The following UVRAG variants were observed in gnomAD, a reference collection of about 807,000 sequenced individuals.
The protein encoded by UVRAG is UV radiation resistance-associated gene protein.
Under a neutral mutation model 78.0 loss-of-function variants are expected in UVRAG, and 19 were observed. The ratio of observed to expected loss-of-function variants is 0.24; its 90% confidence interval spans 0.17 to 0.36. The LOEUF is 0.36. Among genes scored for constraint, UVRAG ranks in the 10% least tolerant of loss-of-function variants. The pLI is 1.00. For missense variants in UVRAG, 740 were observed against 853.8 expected (o/e 0.87, Z 1.66); for synonymous variants, 323 against 324.6 (o/e 1.00, Z 0.05).
rs1157337989 is a variant in UVRAG, at chr11:76,141,911, T to A, written c.*498T>A. 3 of 160,808 alleles carry A rather than the reference T, an allele frequency of 1.9e-5. No individual in the cohort carries two copies. Among genetic ancestry groups the A allele is most frequent in the Non-Finnish European group, 4.1e-5 (3 of 73,336 alleles). 10.0% of individuals were successfully genotyped at this position (160,808 alleles called of 1,614,324 possible). A position where few individuals can be genotyped will look rare whatever the true frequency, so the allele number is the denominator to read the frequency against. ...TAGATGAAGAAGCAGCATAGTGGTC[T>A]CCTTACATCTAGGCCTAACTGTCCC... On this transcript the variant is annotated 3_prime_UTR_variant, in exon 15 of 15. Coordinates refer to ENST00000356136, the MANE Select transcript of UVRAG (RefSeq NM_003369.4).
rs575806236 is a variant in UVRAG at position 75,877,644 on chromosome 11, G to T, written c.271-2235G>T. 6.4e-5 allele frequency among the ~76,000 whole-genome samples: 9 copies of T among 141,686 alleles called. 1 individual carries two copies. The South Asian group carries it at 1.8e-3, about 28-fold the overall frequency. The allele number at this position is 141,686 out of a possible 152,430, so 93.0% of individuals were successfully genotyped here. On this transcript the variant is annotated intron_variant, in intron 3 of 14. Transcript: ENST00000356136. ...CACCTCCCTCCCGGACGGAGCGGCT[G>T]GCCAGGCAGAGGGGCTCCTCACTTC... is the stretch of plus-strand genomic sequence containing the variant.
In UVRAG at chr11:76,141,162, T is replaced by C. The variant is rs1355636872; in HGVS notation, c.1849T>C (p.Phe617Leu). ...GSASVQLPGE[F>L]HPVSEAELCC... ...CGCCAGTGTCCAGCTTCCAGGCGAG[T>C]TCCACCCAGTCTCAGAAGCTGAGCT... is the stretch of plus-strand genomic sequence containing the variant. The change falls in exon 15 of 15, where the codon TTC becomes CTC. Residue 617 changes from phenylalanine (F) to leucine (L), a missense_variant. Physicochemically the swap from Phe to Leu is conservative, Grantham distance 22 (BLOSUM62 0). Transcript: ENST00000356136. 1 of 1,613,956 alleles carries C rather than the reference T, an allele frequency of 6.2e-7. No individual in the cohort carries two copies. Among genetic ancestry groups the C allele is most frequent in the Admixed American group, 1.7e-5 (1 of 59,988 alleles).
chr11:75,980,482 T>A (rs1949366933), intron 7 of UVRAG, among the ~76,000 whole-genome samples: 1 of 152,202 alleles, frequency 6.6e-6, no homozygotes, highest in South Asian at 2.1e-4. Flanking sequence ...TTATTATCTC[T>A]TTTTCCTACT....
At chr11:76,044,789 A>C (rs1017245717) in intron 12 of UVRAG, among the ~76,000 whole-genome samples, 2 of 152,192 alleles carry the variant, frequency 1.3e-5, no homozygotes, top group African/African-American at 4.8e-5. Context: ...AAAAAGAAAA[A>C]AGAAAGAAAA....
chr11:76,055,577 G>A (rs956090776), intron 12 of UVRAG, among the ~76,000 whole-genome samples: 4 of 151,980 alleles, frequency 2.6e-5, no homozygotes, highest in Admixed American at 2.0e-4. Context: ...ATTTATTTCC[G>A]TGAATCTTAA....
At chr11:76,116,819 A>G (rs1256502471) in intron 14 of UVRAG, among the ~76,000 whole-genome samples, 1 of 152,068 alleles carries the variant, frequency 6.6e-6, no homozygotes, top group Non-Finnish European at 1.5e-5. Flanking sequence ...TTGAAATTCT[A>G]CCTCTCTGAA....
At chr11:75,960,139 T>G (rs2135198065) in intron 6 of UVRAG, among the ~76,000 whole-genome samples, 1 of 151,862 alleles carries the variant, frequency 6.6e-6, no homozygotes, top group South Asian at 2.1e-4. Flanking sequence ...AGTGACCACA[T>G]GCTGGTGGAA....
chr11:76,059,802 A>G (rs1951048877), intron 12 of UVRAG, among the ~76,000 whole-genome samples: 1 of 152,248 alleles, frequency 6.6e-6, no homozygotes. Context: ...AGTAATGGCA[A>G]ACTAGTCTGG....
chr11:75,858,013 T>C (rs1174438532), intron 2 of UVRAG, among the ~76,000 whole-genome samples: 1 of 152,172 alleles, frequency 6.6e-6, no homozygotes, highest in African/African-American at 2.4e-5. Context: ...GAATGTAAAC[T>C]CTATGAAGGC....
In UVRAG at chr11:75,893,005, C is replaced by T. The variant is rs145950752; in HGVS notation, c.507+4102C>T. 4.9e-3 allele frequency among the ~76,000 whole-genome samples: 747 copies of T among 152,040 alleles called. 4 individuals carry two copies. Among genetic ancestry groups the T allele is most frequent in the African/African-American group, 0.016 (682 of 41,450 alleles). ...CCAGCCTAGCCAACGTGGCGAAACCCCATCTCTACTAAAAACACAAAAATT... is the reference window on the plus strand; with the variant it reads ...CCAGCCTAGCCAACGTGGCGAAACCTCATCTCTACTAAAAACACAAAAATT... On this transcript the variant is annotated intron_variant, in intron 5 of 14. Coordinates refer to ENST00000356136, the MANE Select transcript of UVRAG (RefSeq NM_003369.4).
In UVRAG at chr11:76,092,710, A is replaced by C. The variant is rs553629005; in HGVS notation, c.1306-23214A>C. Among the ~76,000 whole-genome samples, 414 of 151,838 alleles carry C rather than the reference A, an allele frequency of 2.7e-3. 1 individual carries two copies. The highest frequency in any genetic ancestry group is 4.7e-3 in the Non-Finnish European group (322 of 67,942). Reference sequence around the variant, plus strand: ...GTTTTTTTTCTTGTAAATTTGTTTGAGTTCTTTGTAGATTCTGGATATTAG... The same window carrying C: ...GTTTTTTTTCTTGTAAATTTGTTTGCGTTCTTTGTAGATTCTGGATATTAG... On this transcript the variant is annotated intron_variant, in intron 13 of 14. Coordinates refer to ENST00000356136, the MANE Select transcript of UVRAG (RefSeq NM_003369.4).
intron 13 of UVRAG, among the ~76,000 whole-genome samples, chr11:76,112,887 C>A (rs139211344): frequency 1.3e-5 from 2 of 151,882 alleles, no homozygotes; most frequent in Admixed American, 6.6e-5. Context: ...CCACCATGCC[C>A]GGATAATTTT....
At chr11:76,026,690 A>G (rs1950332300) in intron 12 of UVRAG, among the ~76,000 whole-genome samples, 1 of 152,174 alleles carries the variant, frequency 6.6e-6, no homozygotes, top group Admixed American at 6.6e-5. Flanking sequence ...AAATTGGATG[A>G]TAAATACATT....
At chr11:76,075,338 TG>T (rs1951384808) in intron 13 of UVRAG, among the ~76,000 whole-genome samples, 1 of 152,080 alleles carries the variant, frequency 6.6e-6, no homozygotes, top group Non-Finnish European at 1.5e-5. Context: ...AGGCCAGGCG[TG>T]GTGGCTCACA....
chr11:75,868,833 T>C (rs910762363), intron 3 of UVRAG, among the ~76,000 whole-genome samples: 2 of 152,214 alleles, frequency 1.3e-5, no homozygotes, highest in Non-Finnish European at 2.9e-5. Flanking sequence ...ATTGGTTATT[T>C]TCCCAAAAAC....
intron 3 of UVRAG, among the ~76,000 whole-genome samples, chr11:75,865,218 C>T (rs1223431810): frequency 7.5e-6 from 1 of 132,790 alleles, no homozygotes; most frequent in African/African-American, 2.9e-5. Flanking sequence ...ACCTGAGAGG[C>T]GGAGGTTGCG....
intron 12 of UVRAG, among the ~76,000 whole-genome samples, chr11:76,017,626 A>G (rs889903484): frequency 6.6e-6 from 1 of 152,168 alleles, no homozygotes; most frequent in African/African-American, 2.4e-5. Flanking sequence ...AGAAAGTGAA[A>G]ATACTAAAAG....
Position 76,143,396 on chromosome 11 carries a change from C to A in UVRAG, c.*1983C>A, listed in dbSNP as rs1591281807. Reference sequence around the variant, plus strand: ...AGTGTCCATCTCAGGCCCACACAACCATGAGAGCCTGGACTCTGGGGTCTA... The same window carrying A: ...AGTGTCCATCTCAGGCCCACACAACAATGAGAGCCTGGACTCTGGGGTCTA... On this transcript the variant is annotated 3_prime_UTR_variant, in exon 15 of 15. Transcript: ENST00000356136. Among the ~76,000 whole-genome samples the A allele has an allele frequency of 6.6e-6, 1 of 152,348 alleles. No homozygotes were observed. Among genetic ancestry groups the A allele is most frequent in the East Asian group, 1.9e-4 (1 of 5,184 alleles).
chr11:75,987,539 T>C (rs1324597513), intron 8 of UVRAG, among the ~76,000 whole-genome samples: 1 of 152,240 alleles, frequency 6.6e-6, no homozygotes, highest in Non-Finnish European at 1.5e-5. Context: ...CTGATTGTGT[T>C]GTCTGAGACA....
Sources: gnomAD v4.1 joint callset for allele counts (sites outside exome capture counted in the v4.1 genomes callset) on GRCh38, gnomAD v4.1.1 for gene constraint, MANE v1.5 for transcripts, NCBI Gene and HGNC (gene_info 2026-07-23, HGNC 2026-07-21) for gene names.